PTPRD: variants seen among roughly 807,000 people sequenced by gnomAD.
PTPRD encodes protein tyrosine phosphatase receptor type D.
Under a neutral mutation model 214.5 loss-of-function variants are expected in PTPRD, and 34 were observed. The ratio of observed to expected loss-of-function variants is 0.16; its 90% confidence interval spans 0.12 to 0.21. The LOEUF (loss-of-function observed/expected upper bound fraction) is 0.21. Ranked by LOEUF, PTPRD falls within the 10% of genes least tolerant of loss-of-function variation. The pLI, the probability that PTPRD is intolerant of heterozygous loss-of-function variation, is 1.00. For synonymous variants in PTPRD, 1,128 were observed against 845.7 expected (o/e 1.33, Z -5.79); for missense variants, 2,545 against 2,398.7 (o/e 1.06, Z -1.27).
intron 12 of PTPRD, among the ~76,000 whole-genome samples, chr9:8,679,263 A>C (rs960440659): frequency 6.6e-6 from 1 of 152,236 alleles, no homozygotes; most frequent in Admixed American, 6.5e-5. Context: ...CAATTTCAGC[A>C]AATCACATCC....
rs913075804 is a variant in PTPRD at position 8,603,198 on chromosome 9, T to C, written c.352+30119A>G. On this transcript the variant is annotated intron_variant, in intron 14 of 45. Coordinates refer to ENST00000381196, the MANE Select transcript of PTPRD (RefSeq NM_002839.4). The stretch of plus-strand genomic sequence containing the variant: ...CTTCAGAGGTTTCACCATTTATAAG[T>C]TGCTTAATTCAGTCTTTGTAAAATC... 1.4e-4 allele frequency among the ~76,000 whole-genome samples: 22 copies of C among 152,230 alleles called. 1 individual carries two copies. The highest frequency in any genetic ancestry group is 5.1e-4 in the African/African-American group (21 of 41,468).
In PTPRD at chr9:8,925,354, A is replaced by T. The variant is rs141437040; in HGVS notation, c.-104+93343T>A. On this transcript the variant is annotated intron_variant, in intron 11 of 45. Coordinates refer to ENST00000381196, the MANE Select transcript of PTPRD (RefSeq NM_002839.4). ...GGATGCAGGGGAAGGTACATTCTCC[A>T]CTATATAGTCTCCCAGGTTTAAAAT... 5.2e-3 allele frequency among the ~76,000 whole-genome samples: 793 copies of T among 152,208 alleles called. 7 individuals carry two copies. The highest frequency in any genetic ancestry group is 0.018 in the African/African-American group (765 of 41,510).
At chr9:9,909,055 A>G (rs892407716) in intron 5 of PTPRD, among the ~76,000 whole-genome samples, 1 of 136,810 alleles carries the variant, frequency 7.3e-6, no homozygotes, top group African/African-American at 3.0e-5. Context: ...TTTTTCACAT[A>G]TTTTCCAGGA....
intron 10 of PTPRD, among the ~76,000 whole-genome samples, chr9:9,084,500 T>G (rs1396396907): frequency 2.0e-5 from 3 of 152,162 alleles, no homozygotes; most frequent in African/African-American, 7.2e-5. Context: ...TGTGTATACC[T>G]ATGTAACAAA....
chr9:9,339,244 G>A (rs955492515), intron 9 of PTPRD, among the ~76,000 whole-genome samples: 17 of 151,822 alleles, frequency 1.1e-4, no homozygotes, highest in African/African-American at 1.7e-4. Context: ...TTGGGAGGCC[G>A]AGGCAGGTGG....
chr9:8,763,159 T>G (rs1379414669), intron 11 of PTPRD, among the ~76,000 whole-genome samples: 1 of 152,272 alleles, frequency 6.6e-6, no homozygotes. Flanking sequence ...AAAACACTCT[T>G]TCTCTCTGTT....
intron 2 of PTPRD, among the ~76,000 whole-genome samples, chr9:10,437,375 T>C (rs975985867): frequency 3.3e-5 from 5 of 151,892 alleles, no homozygotes; most frequent in African/African-American, 1.2e-4. Flanking sequence ...AGTTTCCAGA[T>C]ACTGTTTAAG....
intron 8 of PTPRD, among the ~76,000 whole-genome samples, chr9:9,529,649 A>C (rs1200353151): frequency 1.3e-5 from 2 of 152,128 alleles, no homozygotes; most frequent in African/African-American, 2.4e-5. Flanking sequence ...GATTTTACTG[A>C]AGATAAACAG....
intron 3 of PTPRD, among the ~76,000 whole-genome samples, chr9:10,191,937 G>A (rs531775990): frequency 5.6e-4 from 85 of 152,220 alleles, no homozygotes; most frequent in African/African-American, 2.0e-3. Context: ...CTCACTGAAC[G>A]GTGTGTCTGC....
In PTPRD at chr9:9,411,346, C is replaced by A. The variant is rs1420810935; in HGVS notation, c.-236-13864G>T. 3.3e-5 allele frequency among the ~76,000 whole-genome samples: 5 copies of A among 149,750 alleles called. No homozygotes were observed. The South Asian group carries it at 8.4e-4, about 25-fold the overall frequency. ...AATTGTGCCTTCTAAGATTACCACC[C>A]AAATATAAAATAAATCCTAAGCTAG... On this transcript the variant is annotated intron_variant, in intron 8 of 45. Coordinates refer to ENST00000381196, the MANE Select transcript of PTPRD (RefSeq NM_002839.4).
intron 2 of PTPRD, among the ~76,000 whole-genome samples, chr9:10,362,650 G>A (rs1217987171): frequency 2.6e-5 from 4 of 152,074 alleles, no homozygotes; most frequent in Non-Finnish European, 5.9e-5. Flanking sequence ...GGGAGGCCGA[G>A]GCTGGCAGAT....
At chr9:9,029,093 C>G (rs1370310433) in intron 10 of PTPRD, among the ~76,000 whole-genome samples, 1 of 151,716 alleles carries the variant, frequency 6.6e-6, no homozygotes, top group Admixed American at 6.6e-5. Context: ...TCATATTAGT[C>G]ATTATTATCT....
intron 8 of PTPRD, among the ~76,000 whole-genome samples, chr9:9,419,191 A>T (rs1240665538): frequency 1.3e-5 from 2 of 150,894 alleles, no homozygotes; most frequent in African/African-American, 4.9e-5. Context: ...TATAAAGCTA[A>T]ATATAGTCTG....
chr9:10,150,913 T>A (rs1413816680), intron 3 of PTPRD, among the ~76,000 whole-genome samples: 1 of 152,072 alleles, frequency 6.6e-6, no homozygotes, highest in Non-Finnish European at 1.5e-5. Context: ...ATTTCAAATT[T>A]GCTTTTGAAC....
chr9:9,021,732 T>C (rs1032163212), intron 10 of PTPRD, among the ~76,000 whole-genome samples: 1 of 152,066 alleles, frequency 6.6e-6, no homozygotes, highest in Non-Finnish European at 1.5e-5. Flanking sequence ...CTAATGTGTG[T>C]GTTTGTGTCT....
At chr9:10,587,263 T>A (rs1237964479) in intron 2 of PTPRD, among the ~76,000 whole-genome samples, 1 of 152,056 alleles carries the variant, frequency 6.6e-6, no homozygotes, top group Non-Finnish European at 1.5e-5. Context: ...TTAGGATAAA[T>A]TTATCCTGGG....
intron 35 of PTPRD, among the ~76,000 whole-genome samples, chr9:8,434,258 C>G (rs1029051332): frequency 3.9e-5 from 6 of 152,164 alleles, no homozygotes; most frequent in African/African-American, 1.2e-4. Flanking sequence ...TGGGATTACA[C>G]AAGTGAGCCA....
chr9:10,455,395 A>G (rs1349759100), intron 2 of PTPRD, among the ~76,000 whole-genome samples: 1 of 151,594 alleles, frequency 6.6e-6, no homozygotes, highest in Non-Finnish European at 1.5e-5. Flanking sequence ...TTGGTCCTCA[A>G]CTATCACCTT....
At chr9:9,406,398 A>C (rs1230816760) in intron 8 of PTPRD, among the ~76,000 whole-genome samples, 1 of 151,934 alleles carries the variant, frequency 6.6e-6, no homozygotes, top group Non-Finnish European at 1.5e-5. Context: ...TAAGAAAGTA[A>C]GAGATAGAAG....
Sources: allele counts gnomAD v4.1 joint callset (sites outside exome capture counted in the v4.1 genomes callset), GRCh38; gene constraint gnomAD v4.1.1; transcripts MANE v1.5; gene names NCBI Gene and HGNC (gene_info 2026-07-23, HGNC 2026-07-21).